The following PYGL variants were observed in gnomAD, a reference collection of about 807,000 sequenced individuals.
The protein encoded by PYGL is glycogen phosphorylase L, also known as glycogen phosphorylase, liver form.
PYGL carries 90 observed loss-of-function variants against 100.1 expected under a neutral mutation model. That is an observed-to-expected ratio of 0.90 (90% CI 0.76 to 1.07). The LOEUF (loss-of-function observed/expected upper bound fraction) is 1.07, where lower values mean the gene tolerates loss of function less well. PYGL is among the 50% of genes least tolerant of loss of function. The probability of loss-of-function intolerance (pLI) is 0.00; values close to 1 mark genes in which losing one functional copy is unlikely to be tolerated. For synonymous variants in PYGL, 373 were observed against 393.0 expected (o/e 0.95, Z 0.60); for missense variants, 1,016 against 1,057.6 (o/e 0.96, Z 0.55).
At position 50,914,704 on chromosome 14, in the gene PYGL, T is replaced by C; in HGVS notation, c.1515A>G (p.Ala505=). 1 of 1,610,432 alleles carries C rather than the reference T, an allele frequency of 6.2e-7. No individual in the cohort carries two copies. Among genetic ancestry groups the C allele is most frequent in the Non-Finnish European group, 8.5e-7 (1 of 1,176,728 alleles). The change falls in exon 12 of 20, where the codon GCA becomes GCG. Residue 505 remains alanine (A), a synonymous_variant. Transcript: ENST00000216392. ...LCNPGLAELI[A]EKIGEDYVKD... ...CCTCTCAGCACTTCCCAGTTACCTC[T>C]GCTATGAGCTCTGCAAGTCCTGGGT...
intron 4 of PYGL, among the ~76,000 whole-genome samples, chr14:50,930,025 T>C (rs2050588948): frequency 1.3e-5 from 2 of 152,248 alleles, no homozygotes; most frequent in African/African-American, 4.8e-5. Flanking sequence ...TTTATCTTTC[T>C]GGCCTTCTCT....
chr14:50,929,403 T>C (rs560549193), intron 4 of PYGL, among the ~76,000 whole-genome samples: 1 of 152,348 alleles, frequency 6.6e-6, no homozygotes, highest in African/African-American at 2.4e-5. Flanking sequence ...TTCTTTATTT[T>C]TCTTTTTAAA....
chr14:50,913,168 AT>A, intron 12 of PYGL, 38 bp from the exon 13 acceptor site: 1 of 1,583,262 alleles, frequency 6.3e-7, no homozygotes, highest in Non-Finnish European at 8.7e-7. Context: ...CAATTTGGGG[AT>A]GGTAATCAAG....
chr14:50,941,087 T>C (rs1434007067), intron 1 of PYGL, among the ~76,000 whole-genome samples: 2 of 152,214 alleles, frequency 1.3e-5, no homozygotes, highest in Non-Finnish European at 2.9e-5. Flanking sequence ...TTAAGTTCTA[T>C]GGCAGGCAAG....
At chr14:50,935,449 G>T (rs374663185) in intron 2 of PYGL, among the ~76,000 whole-genome samples, 1 of 152,198 alleles carries the variant, frequency 6.6e-6, no homozygotes, top group Non-Finnish European at 1.5e-5. Flanking sequence ...CCCTGGGCAA[G>T]CTACTAACTC....
At chr14:50,915,593 A>G in intron 10 of PYGL, 94 bp from the exon 11 acceptor site, 1 of 1,523,886 alleles carries the variant, frequency 6.6e-7, no homozygotes, top group South Asian at 1.1e-5. Flanking sequence ...TCTTTGGTGT[A>G]CTCAATATAA....
At position 50,911,787 on chromosome 14, in the gene PYGL, C is replaced by T. The variant is rs751685523; in HGVS notation, c.1912G>A (p.Gly638Arg). Reference protein sequence around the residue: ...ADVVNNDPMVGSKLKVIFLEN... With the variant: ...ADVVNNDPMVRSKLKVIFLEN... ...AAGAAGATGACTTTCAACTTGCTTC[C>T]AACCATAGGGTCATTGTTCACCACA... The change falls in exon 16 of 20, where the codon GGA becomes AGA. Residue 638 changes from glycine (G) to arginine (R), a missense_variant. By Grantham distance (125) the Gly-to-Arg change is moderately radical. Transcript: ENST00000216392. 1 of 1,614,132 alleles carries T rather than the reference C, an allele frequency of 6.2e-7. No homozygotes were observed. The highest frequency in any genetic ancestry group is 1.1e-5 in the South Asian group (1 of 91,078).
intron 3 of PYGL, among the ~76,000 whole-genome samples, chr14:50,934,192 A>T (rs1055336962): frequency 1.3e-5 from 2 of 152,318 alleles, no homozygotes; most frequent in South Asian, 2.1e-4. Context: ...AAAGAACTCA[A>T]ATTGTATCCA....
chr14:50,911,719 G>A lies in PYGL; in HGVS notation c.1969+11C>T, dbSNP rs1049408661. The A allele has an allele frequency of 6.2e-6, 10 of 1,614,012 alleles. No homozygotes were observed. The highest frequency in any genetic ancestry group is 1.7e-5 in the Admixed American group (1 of 60,004). ...CCCTGGCCCCTGCATATTTTGCAATGAGGGTAGTACCTTTTTCAGCAAGAG... is the reference window on the plus strand; with the variant it reads ...CCCTGGCCCCTGCATATTTTGCAATAAGGGTAGTACCTTTTTCAGCAAGAG... On this transcript the variant is annotated intron_variant, in intron 16 of 19. Coordinates refer to ENST00000216392, the MANE Select transcript of PYGL (RefSeq NM_002863.5).
At chr14:50,916,809 A>G in intron 8 of PYGL, 75 bp from the exon 9 acceptor site, 1 of 1,551,228 alleles carries the variant, frequency 6.4e-7, no homozygotes, top group African/African-American at 1.4e-5. Flanking sequence ...ACACATCTGG[A>G]GAAAGCACTG....
At chr14:50,908,730 A>G (rs1370850322) in intron 18 of PYGL, 91 bp downstream of exon 18, 13 of 1,500,284 alleles carry the variant, frequency 8.7e-6, no homozygotes, top group African/African-American at 2.8e-5. Context: ...TTGGTTTAAG[A>G]TTTTCTTGTT....
intron 7 of PYGL, among the ~76,000 whole-genome samples, 196 bp downstream of exon 7, chr14:50,920,345 C>G (rs1354757198): frequency 6.6e-6 from 1 of 152,200 alleles, no homozygotes; most frequent in Non-Finnish European, 1.5e-5. Context: ...AATACCAATT[C>G]TGATTTCATG....
intron 2 of PYGL, among the ~76,000 whole-genome samples, 169 bp downstream of exon 2, chr14:50,937,567 A>G (rs1427882005): frequency 6.6e-6 from 1 of 152,248 alleles, no homozygotes; most frequent in African/African-American, 2.4e-5. Flanking sequence ...TTCCTCTTAA[A>G]TGAGAGATTA....
intron 12 of PYGL, among the ~76,000 whole-genome samples, chr14:50,914,145 A>G (rs1450181095): frequency 6.6e-6 from 1 of 152,202 alleles, no homozygotes; most frequent in African/African-American, 2.4e-5. Flanking sequence ...TCCTATGAAT[A>G]CTGTTAGCTG....
chr14:50,908,195 C>T (rs1037575947), intron 19 of PYGL, 76 bp downstream of exon 19: 4 of 1,202,702 alleles, frequency 3.3e-6, no homozygotes, highest in Non-Finnish European at 4.9e-6. Flanking sequence ...CTGATATTTG[C>T]ATTTAATTAA....
At chr14:50,916,519 C>T in intron 9 of PYGL, 123 bp downstream of exon 9, 1 of 895,458 alleles carries the variant, frequency 1.1e-6, no homozygotes. Flanking sequence ...GAAAATATAC[C>T]TTTAACTGTT....
chr14:50,937,194 T>C (rs2050661040), intron 2 of PYGL, among the ~76,000 whole-genome samples: 1 of 152,204 alleles, frequency 6.6e-6, no homozygotes, highest in Non-Finnish European at 1.5e-5. Flanking sequence ...AAGAAAAAGT[T>C]AAATATATTC....
At position 50,913,032 on chromosome 14, in the gene PYGL, C is replaced by T. The variant is rs17721570; in HGVS notation, c.1617G>A (p.Lys539=). The T allele has an allele frequency of 9.4e-5, 151 of 1,613,864 alleles. No individual in the cohort carries two copies. In the East Asian group the frequency reaches 1.9e-3, roughly 20 times the overall value. ...GACCCACACCTGGAAGGCTCACCTG[C>T]TTCACCTTGGCGAGTTCCCGGAGGA... is the stretch of plus-strand genomic sequence containing the variant. The part of the protein sequence containing the change: ...DVFLRELAKV[K]QENKLKFSQF... The change falls in exon 13 of 20, where the codon AAG becomes AAA. Residue 539 remains lysine, a synonymous_variant. Coordinates refer to ENST00000216392, the MANE Select transcript of PYGL (RefSeq NM_002863.5).
At chr14:50,923,718 A>C in intron 5 of PYGL, 1 of 312,288 alleles carries the variant, frequency 3.2e-6, no homozygotes, top group South Asian at 5.3e-5. Context: ...AAGAACTGAC[A>C]ATTTTCTGAC....
Sources: allele counts gnomAD v4.1 joint callset (sites outside exome capture counted in the v4.1 genomes callset), GRCh38; gene constraint gnomAD v4.1.1; transcripts MANE v1.5; gene names NCBI Gene and HGNC (gene_info 2026-07-23, HGNC 2026-07-21).